The following NEDD4L variants were observed in gnomAD, a reference collection of about 807,000 sequenced individuals.
The protein encoded by NEDD4L is E3 ubiquitin-protein ligase NEDD4-like.
A neutral mutation model predicts 148.9 loss-of-function variants in NEDD4L; 54 were observed. That is an observed-to-expected ratio of 0.36 (90% CI 0.29 to 0.45). NEDD4L has a LOEUF of 0.45. Among genes scored for constraint, NEDD4L ranks in the 20% least tolerant of loss-of-function variants. The probability of loss-of-function intolerance (pLI) is 1.00; values close to 1 mark genes in which losing one functional copy is unlikely to be tolerated. For missense variants in NEDD4L, 856 were observed against 1,233.8 expected, an observed-to-expected ratio of 0.69 and a Z score of 4.59; for synonymous variants, 433 against 440.7, an observed-to-expected ratio of 0.98 and a Z score of 0.22.
chr18:58,390,825 A>G (rs1469737357), intron 29 of NEDD4L, 83 bp downstream of exon 29: 2 of 936,662 alleles, frequency 2.1e-6, no homozygotes, highest in African/African-American at 3.3e-5. Flanking sequence ...CCCTGCCGCC[A>G]GGCCTCTGCA....
chr18:58,141,897 A>G (rs1344267502), intron 1 of NEDD4L, among the ~76,000 whole-genome samples: 1 of 152,138 alleles, frequency 6.6e-6, no homozygotes. Context: ...CGAAACTCAC[A>G]GGAGCTGTGA....
intron 7 of NEDD4L, 59 bp downstream of exon 7, chr18:58,322,545 T>G: frequency 1.0e-6 from 1 of 969,730 alleles, no homozygotes; most frequent in Non-Finnish European, 1.5e-6. Flanking sequence ...TAGGTATAGG[T>G]GGGGATGCCT....
intron 21 of NEDD4L, 38 bp from the exon 22 acceptor site, chr18:58,367,708 A>C: frequency 6.2e-7 from 1 of 1,611,252 alleles, no homozygotes; most frequent in Non-Finnish European, 8.5e-7. Context: ...TTGCATTTGA[A>C]AGTGTGATTG....
rs8095660 is a variant in NEDD4L at position 58,357,306 on chromosome 18, C to T, written c.1767+54C>T. The T allele has an allele frequency of 3.1e-4, 446 of 1,457,768 alleles. No individual in the cohort carries two copies. In the African/African-American group the frequency reaches 4.9e-3, roughly 16 times the overall value. 90.3% of individuals were successfully genotyped at this position (1,457,768 alleles called of 1,614,324 possible). A position where few individuals can be genotyped will look rare whatever the true frequency, so the allele number is the denominator to read the frequency against. ...GTATAAGATTTTGGTTACGTGTTTA[C>T]GTGTTTCTTGTGTATTACTGATAAC... is the stretch of plus-strand genomic sequence containing the variant. On this transcript the variant is annotated intron_variant, in intron 19 of 30. Transcript: ENST00000400345.
Position 58,366,148 on chromosome 18 carries a change from G to C in NEDD4L, c.1983G>C (p.Gly661=). 1 of 1,613,664 alleles carries C rather than the reference G, an allele frequency of 6.2e-7. No individual in the cohort carries two copies. Among genetic ancestry groups the C allele is most frequent in the Non-Finnish European group, 8.5e-7 (1 of 1,179,784 alleles). The part of the protein sequence containing the change: ...EFESEKGLDY[G]GVAREWFFLL... ...AATCAGAGAAAGGTCTTGACTATGG[G>C]GGTGTGGCCAGAGAATGGTTCTTCT... is the stretch of plus-strand genomic sequence containing the variant. Residue 661 remains glycine, a synonymous_variant, in exon 21 of 31, where the codon GGG becomes GGC. Coordinates refer to ENST00000400345, the MANE Select transcript of NEDD4L (RefSeq NM_001144967.3). The surrounding 1 kb of genome is among the most constrained non-coding windows in gnomAD (Gnocchi z 4.2).
chr18:58,304,198 G>A (rs2149285102), intron 5 of NEDD4L, among the ~76,000 whole-genome samples: 2 of 152,208 alleles, frequency 1.3e-5, no homozygotes, highest in East Asian at 1.9e-4. Context: ...TGTTAATGAT[G>A]CTGACTTTGA....
intron 6 of NEDD4L, among the ~76,000 whole-genome samples, chr18:58,316,253 GCGTTCCCATCC>G (rs2058248487): frequency 6.6e-6 from 1 of 152,148 alleles, no homozygotes; most frequent in Admixed American, 6.5e-5. Context: ...TCGTGCGCTT[GCGTTCCCATCC>G]ACCAGCTCCC....
intron 1 of NEDD4L, among the ~76,000 whole-genome samples, chr18:58,142,621 G>T (rs930337196): frequency 2.0e-5 from 3 of 152,150 alleles, no homozygotes; most frequent in African/African-American, 7.2e-5. Flanking sequence ...ACTCTGTTTT[G>T]TAGAAACAAC....
At chr18:58,132,247 G>GGTGGTGGTTT (rs1185645393) in intron 1 of NEDD4L, among the ~76,000 whole-genome samples, 41 of 88,844 alleles carry the variant, frequency 4.6e-4, no homozygotes, top group Middle Eastern at 7.1e-3. Context: ...TGATGGTAGT[G>GGTGGTGGTTT]GTGGTGGTTT....
intron 30 of NEDD4L, among the ~76,000 whole-genome samples, chr18:58,392,821 C>T (rs574666328): frequency 3.9e-5 from 6 of 152,222 alleles, no homozygotes; most frequent in Admixed American, 1.3e-4. Flanking sequence ...GGTGGTGATG[C>T]GAAACTCAAG....
chr18:58,064,591 T>C (rs1227511165), intron 1 of NEDD4L, among the ~76,000 whole-genome samples: 1 of 152,188 alleles, frequency 6.6e-6, no homozygotes, highest in Non-Finnish European at 1.5e-5. Context: ...TACTAGAGCA[T>C]GAAAACGTCT....
intron 2 of NEDD4L, among the ~76,000 whole-genome samples, chr18:58,208,661 C>T (rs192244092): frequency 1.3e-5 from 2 of 152,246 alleles, no homozygotes; most frequent in East Asian, 3.9e-4. Context: ...TTCACTTTGC[C>T]CCTTCAGCAT....
At chr18:58,297,445 G>C (rs1316217131) in intron 5 of NEDD4L, among the ~76,000 whole-genome samples, 1 of 152,188 alleles carries the variant, frequency 6.6e-6, no homozygotes, top group Non-Finnish European at 1.5e-5. Context: ...ATAAAACTCT[G>C]CTTGCCCTGA....
intron 2 of NEDD4L, among the ~76,000 whole-genome samples, chr18:58,220,853 A>G (rs1019106422): frequency 6.6e-6 from 1 of 152,140 alleles, no homozygotes; most frequent in African/African-American, 2.4e-5. Context: ...CTGTAGAGTA[A>G]GGGTGGTCAG....
At chr18:58,229,030 C>G (rs2044732285) in intron 2 of NEDD4L, among the ~76,000 whole-genome samples, 2 of 152,168 alleles carry the variant, frequency 1.3e-5, no homozygotes, top group South Asian at 2.1e-4. Flanking sequence ...CCAGGCAATC[C>G]CTGTGCACGT....
chr18:58,080,115 G>T (rs576361101), intron 1 of NEDD4L, among the ~76,000 whole-genome samples: 1 of 151,994 alleles, frequency 6.6e-6, no homozygotes, highest in African/African-American at 2.4e-5. Context: ...TGTAGAGACC[G>T]GGTCTCACTG....
At chr18:58,265,061 A>G (rs2050025940) in intron 5 of NEDD4L, among the ~76,000 whole-genome samples, 1 of 151,924 alleles carries the variant, frequency 6.6e-6, no homozygotes, top group Admixed American at 6.6e-5. Context: ...ATTGGGTGAC[A>G]GATTGCTTAT....
Position 58,400,651 on chromosome 18 carries a change from T to C in NEDD4L, c.*4382T>C, listed in dbSNP as rs1006933225. 6.6e-6 allele frequency: 1 copy of C among 152,260 alleles called. No homozygotes were observed. Among genetic ancestry groups the C allele is most frequent in the Non-Finnish European group, 1.5e-5 (1 of 68,044 alleles). 9.4% of individuals were successfully genotyped at this position (152,260 alleles called of 1,614,324 possible). A position where few individuals can be genotyped will look rare whatever the true frequency, so the allele number is the denominator to read the frequency against. On this transcript the variant is annotated 3_prime_UTR_variant, in exon 31 of 31. Transcript: ENST00000400345. ...TTTCAAAGGCACGTCTTTCCGTTCG[T>C]TGGTTTTCTGTGTGTAAGGAGTAGC... is the stretch of plus-strand genomic sequence containing the variant.
chr18:58,249,410 C>G (rs2047641878), intron 4 of NEDD4L, among the ~76,000 whole-genome samples: 1 of 152,138 alleles, frequency 6.6e-6, no homozygotes, highest in South Asian at 2.1e-4. Context: ...AAAATTACTT[C>G]TGGAATCTAA....
Sources: gnomAD v4.1 joint callset for allele counts (sites outside exome capture counted in the v4.1 genomes callset) on GRCh38, gnomAD v4.1.1 for gene constraint, Gnocchi (gnomAD v3.1) non-coding constraint, MANE v1.5 for transcripts, NCBI Gene and HGNC (gene_info 2026-07-23, HGNC 2026-07-21) for gene names.